Variants in PREX1 observed in about 807,000 individuals in gnomAD.
PREX1 encodes the protein phosphatidylinositol-3,4,5-trisphosphate dependent Rac exchange factor 1, also known as phosphatidylinositol 3,4,5-trisphosphate-dependent Rac exchanger 1 protein.
PREX1 carries 41 observed loss-of-function variants against 198.3 expected under a neutral mutation model. The observed-to-expected ratio is 0.21, with a 90% CI of 0.16 to 0.27. The LOEUF is 0.27. Ranked by LOEUF, PREX1 falls within the 10% of genes least tolerant of loss-of-function variation. PREX1 has a pLI of 1.00. For synonymous variants in PREX1, 843 were observed against 887.2 expected (o/e 0.95, Z 0.89); for missense variants, 1,620 against 2,200.7 (o/e 0.74, Z 5.28).
intron 15 of PREX1, among the ~76,000 whole-genome samples, chr20:48,663,246 A>T (rs911920935): frequency 2.6e-5 from 4 of 152,226 alleles, no homozygotes; most frequent in Non-Finnish European, 5.9e-5. Context: ...ATTGGGAGTC[A>T]GCTGAGTCAG....
chr20:48,656,983 A>G, intron 18 of PREX1, 57 bp downstream of exon 18: 1 of 1,529,616 alleles, frequency 6.5e-7, no homozygotes, highest in Non-Finnish European at 8.8e-7. Flanking sequence ...CCCAGCCCTC[A>G]GCCACCACTC....
At chr20:48,706,397 C>T (rs1372380657) in intron 6 of PREX1, among the ~76,000 whole-genome samples, 1 of 152,216 alleles carries the variant, frequency 6.6e-6, no homozygotes, top group Non-Finnish European at 1.5e-5. Context: ...TTCACCTTGG[C>T]TTCCAGGAAA....
chr20:48,759,831 C>T (rs984958315), intron 1 of PREX1, among the ~76,000 whole-genome samples: 1 of 152,080 alleles, frequency 6.6e-6, no homozygotes, highest in Non-Finnish European at 1.5e-5. Context: ...AGGCTCACAC[C>T]TGTGAGCTCA....
At chr20:48,702,269 G>A (rs1330720183) in intron 6 of PREX1, among the ~76,000 whole-genome samples, 1 of 151,880 alleles carries the variant, frequency 6.6e-6, no homozygotes, top group Non-Finnish European at 1.5e-5. Flanking sequence ...TAGCTGGGAG[G>A]GATCCTTAGA....
intron 1 of PREX1, among the ~76,000 whole-genome samples, chr20:48,795,830 C>T (rs2090360026): frequency 6.6e-6 from 1 of 152,172 alleles, no homozygotes; most frequent in Non-Finnish European, 1.5e-5. Flanking sequence ...AGAATTTGAA[C>T]CCAGGAGCTC....
intron 7 of PREX1, among the ~76,000 whole-genome samples, chr20:48,700,061 T>C (rs765033597): frequency 6.6e-6 from 1 of 152,194 alleles, no homozygotes; most frequent in African/African-American, 2.4e-5. Context: ...CCATCACACA[T>C]GCACCTGCCT....
chr20:48,702,156 T>C, intron 6 of PREX1, among the ~76,000 whole-genome samples: 1 of 146,454 alleles, frequency 6.8e-6, no homozygotes, highest in East Asian at 2.0e-4. Context: ...TGCAGTGAGC[T>C]GAGATAACGC....
chr20:48,743,990 GTGATGATGA>G (rs3037311), intron 3 of PREX1, among the ~76,000 whole-genome samples: 127 of 149,280 alleles, frequency 8.5e-4, no homozygotes, highest in East Asian at 3.8e-3. Context: ...AAGTGAGTTA[GTGATGATGA>G]TGATGATGAT....
At chr20:48,852,785 C>A in the PREX1 span, among the ~76,000 whole-genome samples, 1 of 152,180 alleles carries the variant, frequency 6.6e-6, no homozygotes, top group Non-Finnish European at 1.5e-5. Context: ...AGGGGACTAG[C>A]CCAATAAATT....
chr20:48,650,835 A>C, intron 23 of PREX1, 59 bp downstream of exon 23: 1 of 1,581,910 alleles, frequency 6.3e-7, no homozygotes, highest in South Asian at 1.1e-5. Context: ...CAAATATCCC[A>C]GGCTGAGATG....
chr20:48,740,914 A>C lies in PREX1; in HGVS notation c.414+4111T>G, dbSNP rs372533300. Reference sequence around the variant, plus strand: ...TTTGGTTTCTACTGCATTTATTTTGACAATTACCTTCTATTTATAGCACTC... The same window carrying C: ...TTTGGTTTCTACTGCATTTATTTTGCCAATTACCTTCTATTTATAGCACTC... On this transcript the variant is annotated intron_variant, in intron 3 of 39. Coordinates refer to ENST00000371941, the MANE Select transcript of PREX1 (RefSeq NM_020820.4). Among the ~76,000 whole-genome samples, 5 of 152,310 alleles carry C rather than the reference A, an allele frequency of 3.3e-5. No homozygotes were observed. The East Asian group carries it at 9.6e-4, about 29-fold the overall frequency.
intron 5 of PREX1, among the ~76,000 whole-genome samples, chr20:48,712,209 C>T (rs2089934983): frequency 2.0e-5 from 3 of 152,204 alleles, no homozygotes; most frequent in Admixed American, 2.0e-4. Context: ...CCCTAGCAGG[C>T]AGGTGCTTTT....
chr20:48,679,585 G>A, intron 12 of PREX1, 66 bp downstream of exon 12: 2 of 1,492,518 alleles, frequency 1.3e-6, no homozygotes, highest in South Asian at 1.1e-5. Flanking sequence ...CCTGCTCTGA[G>A]GCGAACCCAG....
upstream of PREX1, among the ~76,000 whole-genome samples, chr20:48,828,182 A>G (rs993325138): frequency 6.7e-6 from 1 of 150,272 alleles, no homozygotes; most frequent in African/African-American, 2.4e-5. Context: ...GCCCCTGGGG[A>G]CGCGGCGCGG....
chr20:48,666,929 T>C lies in PREX1; in HGVS notation c.1666-574A>G, dbSNP rs2089644828. On this transcript the variant is annotated intron_variant, in intron 14 of 39. Coordinates refer to ENST00000371941, the MANE Select transcript of PREX1 (RefSeq NM_020820.4). This position sits in a 1 kb window ranked among gnomAD's most constrained non-coding sequence, Gnocchi z 4.3. The stretch of plus-strand genomic sequence containing the variant: ...GATTTTAAGCGGCAGACAATGTTGG[T>C]TGCCTAGCAACACCTTTCCCATTCC... Among the ~76,000 whole-genome samples, 2 of 152,198 alleles carry C rather than the reference T, an allele frequency of 1.3e-5. No homozygotes were observed. Among genetic ancestry groups the C allele is most frequent in the Non-Finnish European group, 2.9e-5 (2 of 68,034 alleles).
intron 1 of PREX1, among the ~76,000 whole-genome samples, chr20:48,816,663 G>A (rs1320983712): frequency 1.3e-5 from 2 of 152,110 alleles, no homozygotes; most frequent in African/African-American, 4.8e-5. Flanking sequence ...TAGGAAGTGA[G>A]GGTGATCACC....
At chr20:48,647,181 G>A (rs2089457892) in intron 25 of PREX1, among the ~76,000 whole-genome samples, 1 of 152,114 alleles carries the variant, frequency 6.6e-6, no homozygotes, top group Non-Finnish European at 1.5e-5. Context: ...GGCAACCTAT[G>A]ATCACACCAT....
Position 48,751,084 on chromosome 20 carries a change from C to A in PREX1, c.220-3204G>T, listed in dbSNP as rs1411084400. ...GCCAAATGTAGTGCTCAGCAAATAG[C>A]AGGTGCTTGAAAATCAAAGGAAGGT... On this transcript the variant is annotated intron_variant, in intron 1 of 39. Transcript: ENST00000371941. 3.3e-5 allele frequency among the ~76,000 whole-genome samples: 5 copies of A among 152,236 alleles called. No individual in the cohort carries two copies. In the East Asian group the frequency reaches 9.6e-4, roughly 29 times the overall value.
chr20:48,772,938 A>G (rs772432624), intron 1 of PREX1, among the ~76,000 whole-genome samples: 1 of 152,266 alleles, frequency 6.6e-6, no homozygotes, highest in Non-Finnish European at 1.5e-5. Context: ...GAGGACCTGT[A>G]AAGTGCTTAC....
Sources: allele counts gnomAD v4.1 joint callset (sites outside exome capture counted in the v4.1 genomes callset), GRCh38; gene constraint gnomAD v4.1.1; non-coding constraint Gnocchi (gnomAD v3.1); transcripts MANE v1.5; gene names NCBI Gene and HGNC (gene_info 2026-07-23, HGNC 2026-07-21).